The following SNRNP70 variants were observed in gnomAD, a reference collection of about 807,000 sequenced individuals.
SNRNP70 encodes the protein small nuclear ribonucleoprotein U1 subunit 70.
A neutral mutation model predicts 50.5 loss-of-function variants in SNRNP70; 8 were observed. The ratio of observed to expected loss-of-function variants is 0.16; its 90% CI spans 0.09 to 0.29. The LOEUF is 0.29. Among genes scored for constraint, SNRNP70 ranks in the 10% least tolerant of loss-of-function variants. The pLI, the probability that SNRNP70 is intolerant of heterozygous loss-of-function variation, is 1.00. For missense variants in SNRNP70, 529 were observed against 663.5 expected (o/e 0.80, Z 2.23); for synonymous variants, 320 against 252.9 (o/e 1.27, Z -2.52).
chr19:49,089,306 G>C (rs1021288474), intron 2 of SNRNP70, among the ~76,000 whole-genome samples: 5 of 152,180 alleles, frequency 3.3e-5, no homozygotes, highest in African/African-American at 1.2e-4. Context: ...GGAGGCTTAG[G>C]CAGGAGAACC....
chr19:49,108,445 G>T lies in SNRNP70; in HGVS notation c.*2G>T. 1 of 1,593,512 alleles carries T rather than the reference G, an allele frequency of 6.3e-7. No homozygotes were observed. The highest frequency in any genetic ancestry group is 8.5e-7 in the Non-Finnish European group (1 of 1,170,888). ...TTGATGGAGGCTGCGCCGGAGTGAA[G>T]AGGTCGTCCTCTCCATCTGCTGTGT... is the stretch of plus-strand genomic sequence containing the variant. On this transcript the variant is annotated 3_prime_UTR_variant, in exon 10 of 10. Transcript: ENST00000598441.
At chr19:49,102,578 G>A in intron 7 of SNRNP70, 1 of 187,274 alleles carries the variant, frequency 5.3e-6, no homozygotes, top group Non-Finnish European at 1.2e-5. Context: ...CTGCTACTGT[G>A]CTGGCCCTGG....
chr19:49,095,048 G>A (rs1397924355), intron 4 of SNRNP70, among the ~76,000 whole-genome samples: 1 of 152,282 alleles, frequency 6.6e-6, no homozygotes, highest in African/African-American at 2.4e-5. Flanking sequence ...TGGCTGTGGG[G>A]CGCTGCCCGG....
chr19:49,091,981 T>C (rs1431288471), intron 4 of SNRNP70, among the ~76,000 whole-genome samples: 2 of 152,194 alleles, frequency 1.3e-5, no homozygotes, highest in Non-Finnish European at 2.9e-5. Context: ...CAAGACCTAT[T>C]TGTGTTATTT....
At chr19:49,105,740 A>C (rs1463108839) in intron 8 of SNRNP70, among the ~76,000 whole-genome samples, 1 of 145,372 alleles carries the variant, frequency 6.9e-6, no homozygotes, top group African/African-American at 2.4e-5. Context: ...AAAAAAAAAA[A>C]CAAAAAACAA....
At chr19:49,099,779 A>G (rs1459336395) in intron 6 of SNRNP70, among the ~76,000 whole-genome samples, 1 of 151,240 alleles carries the variant, frequency 6.6e-6, no homozygotes, top group Non-Finnish European at 1.5e-5. Context: ...GTGGTAGCTC[A>G]CGCCTGTAAT....
At chr19:49,088,740 C>T (rs2040413549) in intron 2 of SNRNP70, among the ~76,000 whole-genome samples, 1 of 152,174 alleles carries the variant, frequency 6.6e-6, no homozygotes, top group South Asian at 2.1e-4. Flanking sequence ...TGTGATCTGT[C>T]TGCCTTGGCC....
In SNRNP70 at chr19:49,093,123, T is replaced by A. The variant is rs965292446; in HGVS notation, c.265+2603T>A. Among the ~76,000 whole-genome samples, 5 of 151,842 alleles carry A rather than the reference T, an allele frequency of 3.3e-5. No individual in the cohort carries two copies. In the South Asian group the frequency reaches 8.3e-4, roughly 25 times the overall value. ...TTGTTTTTTGTTTTTTAGATGGAGT[T>A]TTGCTGTTATTGCCCAGGCTGGAGT... On this transcript the variant is annotated intron_variant, in intron 4 of 9. Coordinates refer to ENST00000598441, the MANE Select transcript of SNRNP70 (RefSeq NM_003089.6).
At chr19:49,093,973 A>T (rs2040482490) in intron 4 of SNRNP70, among the ~76,000 whole-genome samples, 1 of 152,094 alleles carries the variant, frequency 6.6e-6, no homozygotes, top group Non-Finnish European at 1.5e-5. Flanking sequence ...CAGTGAGCAG[A>T]GATAGCGCCA....
rs1249118326 is a variant in SNRNP70, at chr19:49,104,498, G to A, written c.476-136G>A. The A allele has an allele frequency of 4.4e-6, 3 of 688,572 alleles. No individual in the cohort carries two copies. The highest frequency in any genetic ancestry group is 2.2e-5 in the Admixed American group (1 of 45,734). The allele number at this position is 688,572 out of a possible 1,614,324, so 42.7% of individuals were successfully genotyped here. On this transcript the variant is annotated intron_variant, in intron 7 of 9. Coordinates refer to ENST00000598441, the MANE Select transcript of SNRNP70 (RefSeq NM_003089.6). This position sits in a 1 kb window ranked among gnomAD's most constrained non-coding sequence, Gnocchi z 5.4. ...GAGAGGGTTGGTCTGGCTGTCAGTT[G>A]CCTGGCTGTCTGTTGGGCGTGTGCG...
At chr19:49,091,745 G>A (rs930341568) in intron 4 of SNRNP70, among the ~76,000 whole-genome samples, 6 of 152,244 alleles carry the variant, frequency 3.9e-5, no homozygotes, top group East Asian at 3.9e-4. Flanking sequence ...GACATCTGGC[G>A]GTGCACTCTT....
chr19:49,098,336 G>A (rs749343060), intron 4 of SNRNP70, 91 bp from the exon 5 acceptor site: 46 of 1,081,716 alleles, frequency 4.3e-5, no homozygotes, highest in Admixed American at 2.7e-4. Flanking sequence ...CAATGCCACC[G>A]TTTTCTTCTT....
chr19:49,097,621 A>C (rs996717638), intron 4 of SNRNP70, among the ~76,000 whole-genome samples: 4 of 152,192 alleles, frequency 2.6e-5, no homozygotes, highest in African/African-American at 7.2e-5. Context: ...GAACCGGCAG[A>C]GTGTCCTTAA....
intron 6 of SNRNP70, among the ~76,000 whole-genome samples, chr19:49,099,594 C>G (rs147561678): frequency 0.023 from 3,421 of 151,130 alleles, 63 homozygotes; most frequent in Middle Eastern, 0.035. Flanking sequence ...CAAAAATTAG[C>G]TGGGCATGAT....
chr19:49,086,370 G>A lies in SNRNP70; in HGVS notation c.-10-35G>A, dbSNP rs186644162. ...ACAGGGGCTTTCTCTGTGCAGACCC[G>A]ATCTAACCTAAGGCTGTCCTGCTTC... On this transcript the variant is annotated intron_variant, in intron 1 of 9. Transcript: ENST00000598441. The A allele has an allele frequency of 1.2e-4, 195 of 1,593,534 alleles. No homozygotes were observed. In the East Asian group the frequency reaches 3.4e-3, roughly 28 times the overall value.
intron 2 of SNRNP70, 120 bp from the exon 3 acceptor site, chr19:49,090,171 T>C (rs1403317166): frequency 3.7e-6 from 3 of 813,402 alleles, no homozygotes; most frequent in African/African-American, 1.7e-5. Context: ...GAAGTGTGCG[T>C]GGATGTTTAT....
intron 4 of SNRNP70, among the ~76,000 whole-genome samples, chr19:49,096,585 G>A (rs2040516849): frequency 6.6e-6 from 1 of 151,300 alleles, no homozygotes; most frequent in Admixed American, 6.6e-5. Context: ...GGCCAACATA[G>A]TGAAACCCCG....
chr19:49,099,307 C>T (rs1037370786), intron 6 of SNRNP70, among the ~76,000 whole-genome samples: 1 of 152,048 alleles, frequency 6.6e-6, no homozygotes, highest in Non-Finnish European at 1.5e-5. Context: ...CATGTCAGGC[C>T]GGGTGCAATG....
In SNRNP70 at chr19:49,107,937, G is replaced by C; in HGVS notation, c.808G>C (p.Asp270His). ...CCGGCGGAGGCGCTCACGGAGTCGC[G>C]ACAAGGAGGAGCGGAGGCGCTCCAG... is the stretch of plus-strand genomic sequence containing the variant. ...RDRRRRSRSR[D>H]KEERRRSRER... The change falls in exon 10 of 10, where the codon GAC becomes CAC. Residue 270 changes from aspartate (D) to histidine (H), a missense_variant. Transcript: ENST00000598441. This position sits in a 1 kb window ranked among gnomAD's most constrained non-coding sequence, Gnocchi z 6.0. 6.5e-7 allele frequency: 1 copy of C among 1,547,632 alleles called. No individual in the cohort carries two copies. Among genetic ancestry groups the C allele is most frequent in the South Asian group, 1.2e-5 (1 of 83,992 alleles).
Sources: allele counts gnomAD v4.1 joint callset (sites outside exome capture counted in the v4.1 genomes callset), GRCh38; gene constraint gnomAD v4.1.1; non-coding constraint Gnocchi (gnomAD v3.1); transcripts MANE v1.5; gene names NCBI Gene and HGNC (gene_info 2026-07-23, HGNC 2026-07-21).